The following TPD52L1 variants were observed in gnomAD, a reference collection of about 807,000 sequenced individuals.
The protein encoded by TPD52L1 is tumor protein D53.
In TPD52L1, 18 loss-of-function variants were observed where a neutral mutation model predicts 28.7. The ratio of observed to expected loss-of-function variants is 0.63; its 90% CI spans 0.43 to 0.93. The LOEUF is 0.93. Ranked by LOEUF, TPD52L1 falls within the 40% of genes least tolerant of loss-of-function variation. TPD52L1 has a pLI of 0.00. For missense variants in TPD52L1, 203 were observed against 254.8 expected, an observed-to-expected ratio of 0.80 and a Z score of 1.39; for synonymous variants, 75 against 88.8, an observed-to-expected ratio of 0.84 and a Z score of 0.88.
intron 5 of TPD52L1, among the ~76,000 whole-genome samples, chr6:125,255,662 C>T (rs1015593714): frequency 6.6e-6 from 1 of 152,184 alleles, no homozygotes; most frequent in African/African-American, 2.4e-5. Flanking sequence ...CTTCATTCTG[C>T]ACCACATAAT....
At chr6:125,169,630 TG>T (rs1791147650) in intron 1 of TPD52L1, among the ~76,000 whole-genome samples, 1 of 152,194 alleles carries the variant, frequency 6.6e-6, no homozygotes, top group East Asian at 1.9e-4. Flanking sequence ...GTAGCCAGAA[TG>T]GGACAGCTTC....
At chr6:125,258,074 C>A (rs1797708282) in intron 6 of TPD52L1, among the ~76,000 whole-genome samples, 1 of 152,138 alleles carries the variant, frequency 6.6e-6, no homozygotes. Context: ...ACGTGTGCTG[C>A]CTGATAAGTA....
At chr6:125,252,284 T>C (rs1356687509) in intron 4 of TPD52L1, 1 of 441,838 alleles carries the variant, frequency 2.3e-6, no homozygotes, top group Non-Finnish European at 4.0e-6. Flanking sequence ...CTCAGGAGTC[T>C]CTTTCTCTGC....
At chr6:125,204,617 C>A (rs1201002237) in intron 1 of TPD52L1, among the ~76,000 whole-genome samples, 2 of 151,992 alleles carry the variant, frequency 1.3e-5, no homozygotes, top group East Asian at 3.9e-4. Context: ...GTAGCTGGGA[C>A]TACAGGCGCC....
chr6:125,233,614 A>G (rs1796082697), intron 3 of TPD52L1, among the ~76,000 whole-genome samples: 2 of 152,210 alleles, frequency 1.3e-5, no homozygotes, highest in Non-Finnish European at 2.9e-5. Context: ...GGAATAAAAT[A>G]ATCTTAAATG....
At chr6:125,187,454 T>C (rs955710217) in intron 1 of TPD52L1, among the ~76,000 whole-genome samples, 4 of 152,150 alleles carry the variant, frequency 2.6e-5, no homozygotes, top group African/African-American at 9.7e-5. Context: ...AAATTATGCA[T>C]TGCAGCACTG....
At chr6:125,216,772 G>T (rs1031386831) in intron 1 of TPD52L1, among the ~76,000 whole-genome samples, 2 of 151,754 alleles carry the variant, frequency 1.3e-5, no homozygotes, top group African/African-American at 2.4e-5. Context: ...AAGGGATGAG[G>T]ATCTGATGAA....
intron 1 of TPD52L1, among the ~76,000 whole-genome samples, chr6:125,209,578 A>G (rs151027214): frequency 3.7e-4 from 57 of 152,290 alleles, no homozygotes; most frequent in African/African-American, 1.2e-3. Flanking sequence ...TCAGAATCCA[A>G]ATAGAGACCA....
chr6:125,233,871 T>C (rs1273899964), intron 3 of TPD52L1, among the ~76,000 whole-genome samples: 4 of 152,214 alleles, frequency 2.6e-5, no homozygotes, highest in African/African-American at 9.6e-5. Flanking sequence ...CAAGTGGACT[T>C]TGCATGAAAA....
intron 1 of TPD52L1, among the ~76,000 whole-genome samples, chr6:125,172,527 TATA>T (rs1162239227): frequency 9.2e-5 from 7 of 75,702 alleles, no homozygotes; most frequent in East Asian, 1.3e-3. Context: ...TATATATATA[TATA>T]TATATATATA....
chr6:125,197,795 G>A (rs1012150924), intron 1 of TPD52L1, among the ~76,000 whole-genome samples: 1 of 152,162 alleles, frequency 6.6e-6, no homozygotes, highest in African/African-American at 2.4e-5. Flanking sequence ...AAACAGCACA[G>A]GCGCTAGTGT....
At chr6:125,172,157 TTTTCTTTCTTTCTTTCTTTCTTTC>T (rs200343475) in intron 1 of TPD52L1, among the ~76,000 whole-genome samples, 1 of 54,008 alleles carries the variant, frequency 1.9e-5, no homozygotes, top group Admixed American at 2.0e-4. Context: ...TCTTTCTTTC[TTTTCTTTCTTTCTTTCTTTCTTTC>T]TTTCTTTCTT....
chr6:125,199,681 A>G (rs1487816196), intron 1 of TPD52L1, among the ~76,000 whole-genome samples: 6 of 152,290 alleles, frequency 3.9e-5, no homozygotes, highest in East Asian at 3.9e-4. Context: ...GCAAAACCCC[A>G]TCTCAAAAAA....
At position 125,229,131 on chromosome 6, in the gene TPD52L1, T is replaced by A; in HGVS notation, c.149T>A (p.Ile50Asn). ...TCCGCCTTGTAGCTAGAAGACGAAA[T>A]TACAACACTACGACAAGTTTTGTCA... Reference protein sequence around the residue: ...KAELVQLEDEITTLRQVLSAK... With the variant: ...KAELVQLEDENTTLRQVLSAK... Residue 50 changes from isoleucine to asparagine, a missense_variant, in exon 3 of 7, where the codon ATT (isoleucine) becomes AAT (asparagine). Ile to Asn is a moderately radical substitution (Grantham distance 149). Transcript: ENST00000534000. 6.2e-7 allele frequency: 1 copy of A among 1,612,352 alleles called. No homozygotes were observed. The highest frequency in any genetic ancestry group is 8.5e-7 in the Non-Finnish European group (1 of 1,179,388).
intron 1 of TPD52L1, among the ~76,000 whole-genome samples, chr6:125,159,880 G>A (rs577391405): frequency 6.6e-6 from 1 of 152,262 alleles, no homozygotes; most frequent in Admixed American, 6.5e-5. Context: ...ATCTTGAATT[G>A]TAGCTCCCAT....
intron 2 of TPD52L1, among the ~76,000 whole-genome samples, chr6:125,221,066 C>T (rs1795198742): frequency 6.6e-6 from 1 of 152,184 alleles, no homozygotes; most frequent in Non-Finnish European, 1.5e-5. Flanking sequence ...CTTACCCTCT[C>T]CCCACTTTGT....
At chr6:125,255,218 A>G (rs1032223896) in intron 5 of TPD52L1, among the ~76,000 whole-genome samples, 5 of 152,146 alleles carry the variant, frequency 3.3e-5, no homozygotes, top group Non-Finnish European at 7.3e-5. Context: ...AGTCTGCATG[A>G]GCTTGCCTGA....
At chr6:125,173,315 C>T (rs984284626) in intron 1 of TPD52L1, among the ~76,000 whole-genome samples, 1 of 152,216 alleles carries the variant, frequency 6.6e-6, no homozygotes, top group South Asian at 2.1e-4. Flanking sequence ...GTCAGGCACA[C>T]GGTCCAAGGA....
At chr6:125,187,597 A>AT (rs1212252248) in intron 1 of TPD52L1, among the ~76,000 whole-genome samples, 2 of 152,222 alleles carry the variant, frequency 1.3e-5, no homozygotes, top group African/African-American at 4.8e-5. Flanking sequence ...AAAAGAATGA[A>AT]TTTTAACTCC....
Sources: allele counts gnomAD v4.1 joint callset (sites outside exome capture counted in the v4.1 genomes callset), GRCh38; gene constraint gnomAD v4.1.1; transcripts MANE v1.5; gene names NCBI Gene and HGNC (gene_info 2026-07-23, HGNC 2026-07-21).